Variants in NAALADL2 observed in about 807,000 individuals in gnomAD.
NAALADL2 encodes N-acetylated alpha-linked acidic dipeptidase like 2.
NAALADL2 carries 76 observed loss-of-function variants against 87.2 expected under a neutral mutation model. That is an observed-to-expected ratio of 0.87 (90% CI 0.72 to 1.05). The LOEUF (loss-of-function observed/expected upper bound fraction) is 1.05. NAALADL2 is among the 50% of genes least tolerant of loss of function. NAALADL2 has a pLI of 0.00. For synonymous variants in NAALADL2, 354 were observed against 331.0 expected, an observed-to-expected ratio of 1.07 and a Z score of -0.75; for missense variants, 1,089 against 945.8, an observed-to-expected ratio of 1.15 and a Z score of -1.99.
In NAALADL2 at chr3:174,559,608, A is replaced by G. The variant is rs140262627; in HGVS notation, c.-115+8971A>G. On this transcript the variant is annotated intron_variant, in intron 2 of 3. Transcript: ENST00000434257. ...TCAGCAACAGAAATTTATTTCTCAC[A>G]GTTCTGGAGGCTAGAAGTCTGAAAT... Among the ~76,000 whole-genome samples, 1,007 of 152,322 alleles carry G rather than the reference A, an allele frequency of 6.6e-3. 4 individuals carry two copies. The highest frequency in any genetic ancestry group is 0.02 in the Middle Eastern group (6 of 294).
At chr3:175,661,730 C>T (rs1049165577) in intron 11 of NAALADL2, among the ~76,000 whole-genome samples, 10 of 151,978 alleles carry the variant, frequency 6.6e-5, no homozygotes, top group African/African-American at 2.4e-4. Context: ...GTTTTCCCAA[C>T]ACTACTTATT....
At chr3:175,672,027 G>T (rs1312446093) in intron 11 of NAALADL2, among the ~76,000 whole-genome samples, 3 of 152,096 alleles carry the variant, frequency 2.0e-5, no homozygotes, top group African/African-American at 7.2e-5. Flanking sequence ...TTTTATTAAA[G>T]TGTTACCAAA....
At chr3:174,446,581 G>A (rs1019237461) in intron 1 of NAALADL2, among the ~76,000 whole-genome samples, 3 of 152,092 alleles carry the variant, frequency 2.0e-5, no homozygotes, top group African/African-American at 7.2e-5. Context: ...TAAATAGTAT[G>A]TGTGTGTGTA....
intron 3 of NAALADL2, among the ~76,000 whole-genome samples, chr3:174,841,891 T>A (rs80318761): frequency 1.3e-4 from 20 of 152,290 alleles, no homozygotes; most frequent in South Asian, 8.3e-4. Flanking sequence ...CTTTCATGCC[T>A]TCCTTAGCAT....
chr3:175,368,878 GT>G (rs759387176), intron 5 of NAALADL2, among the ~76,000 whole-genome samples: 3 of 151,982 alleles, frequency 2.0e-5, no homozygotes. Context: ...CACAGAAAAG[GT>G]ACAGCGAAAT....
At chr3:174,811,310 G>A (rs1221342652) in intron 3 of NAALADL2, among the ~76,000 whole-genome samples, 1 of 152,198 alleles carries the variant, frequency 6.6e-6, no homozygotes, top group East Asian at 1.9e-4. Context: ...AAAGCCACAG[G>A]TACTCAACAT....
chr3:174,918,301 G>C (rs1012351217), intron 1 of NAALADL2, among the ~76,000 whole-genome samples: 1 of 151,906 alleles, frequency 6.6e-6, no homozygotes, highest in Non-Finnish European at 1.5e-5. Context: ...ATATATTTTG[G>C]AGTCAGTGTA....
intron 5 of NAALADL2, among the ~76,000 whole-genome samples, chr3:175,419,486 G>A (rs989160889): frequency 6.6e-6 from 1 of 151,844 alleles, no homozygotes; most frequent in African/African-American, 2.4e-5. Context: ...ATCCTGCATT[G>A]GAAGATTTCT....
At chr3:174,785,541 G>A (rs559593774) in intron 3 of NAALADL2, among the ~76,000 whole-genome samples, 148 of 152,194 alleles carry the variant, frequency 9.7e-4, no homozygotes, top group Non-Finnish European at 1.3e-3. Flanking sequence ...TTTGGTTACT[G>A]TAGCCCAATA....
At chr3:175,423,213 CTTTTT>C (rs1271917270) in intron 5 of NAALADL2, among the ~76,000 whole-genome samples, 47 of 124,874 alleles carry the variant, frequency 3.8e-4, no homozygotes, top group Non-Finnish European at 5.4e-4. Flanking sequence ...ATTTATTTTT[CTTTTT>C]TTTTTCTTTT....
intron 1 of NAALADL2, among the ~76,000 whole-genome samples, chr3:174,889,651 AT>A (rs769585742): frequency 1.3e-5 from 2 of 151,818 alleles, no homozygotes; most frequent in East Asian, 1.9e-4. Flanking sequence ...AAAAAAAAAA[AT>A]GGCACTAATA....
At chr3:175,797,650 G>C (rs1188594116) in intron 13 of NAALADL2, among the ~76,000 whole-genome samples, 1 of 152,000 alleles carries the variant, frequency 6.6e-6, no homozygotes, top group Non-Finnish European at 1.5e-5. Context: ...TTCCCAATCT[G>C]AAAAATGGGT....
intron 2 of NAALADL2, among the ~76,000 whole-genome samples, chr3:175,195,974 G>A (rs746189638): frequency 2.6e-5 from 4 of 151,838 alleles, no homozygotes; most frequent in Non-Finnish European, 5.9e-5. Context: ...ATATTTGGGG[G>A]CAAGTAGATT....
At chr3:175,437,251 G>T (rs538962032) in intron 5 of NAALADL2, among the ~76,000 whole-genome samples, 1 of 149,732 alleles carries the variant, frequency 6.7e-6, no homozygotes, top group South Asian at 2.1e-4. Context: ...CTTCAGCAAA[G>T]TCTCAGGATA....
chr3:174,865,999 T>A (rs1261718771), intron 1 of NAALADL2, among the ~76,000 whole-genome samples: 2 of 151,920 alleles, frequency 1.3e-5, no homozygotes, highest in Non-Finnish European at 1.5e-5. Context: ...ACAAAATATA[T>A]GCCAGAACAT....
At chr3:175,495,092 A>T (rs190611285) in intron 9 of NAALADL2, among the ~76,000 whole-genome samples, 4,498 of 136,444 alleles carry the variant, frequency 0.033, 92 homozygotes, top group East Asian at 0.12. Context: ...ATATATATAT[A>T]TTTTTTTTTA....
chr3:174,591,689 C>A (rs1420150968), intron 2 of NAALADL2, among the ~76,000 whole-genome samples: 1 of 152,082 alleles, frequency 6.6e-6, no homozygotes, highest in Non-Finnish European at 1.5e-5. Context: ...ACATGTTGTG[C>A]CTTTTCTCTC....
chr3:174,470,141 C>G (rs1716808642), intron 1 of NAALADL2, among the ~76,000 whole-genome samples: 2 of 152,126 alleles, frequency 1.3e-5, no homozygotes, highest in African/African-American at 2.4e-5. Flanking sequence ...TCCCTTTTCT[C>G]CACAACCTTG....
chr3:175,161,620 AC>A (rs994177758), intron 2 of NAALADL2, among the ~76,000 whole-genome samples: 4 of 149,700 alleles, frequency 2.7e-5, no homozygotes, highest in African/African-American at 9.8e-5. Context: ...TCAGAAACCA[AC>A]CCCCCCGCCC....
Sources: allele counts gnomAD v4.1 joint callset (sites outside exome capture counted in the v4.1 genomes callset), GRCh38; gene constraint gnomAD v4.1.1; transcripts MANE v1.5; gene names NCBI Gene and HGNC (gene_info 2026-07-23, HGNC 2026-07-21).